TTC28: variants seen among roughly 807,000 people sequenced by gnomAD.
TTC28 encodes the protein tetratricopeptide repeat protein 28.
TTC28 carries 61 observed loss-of-function variants against 198.0 expected under a neutral mutation model. That is an observed-to-expected ratio of 0.31 (90% confidence interval 0.25 to 0.38). The LOEUF is 0.38. Ranked by LOEUF, TTC28 falls within the 10% of genes least tolerant of loss-of-function variation. The probability of loss-of-function intolerance (pLI) is 1.00; values close to 1 mark genes in which losing one functional copy is unlikely to be tolerated. For missense variants in TTC28, 2,678 were observed against 3,164.0 expected (o/e 0.85, Z 3.69); for synonymous variants, 1,171 against 1,297.8 (o/e 0.90, Z 2.10).
intron 5 of TTC28, among the ~76,000 whole-genome samples, chr22:28,236,962 T>C (rs1929292153): frequency 6.6e-6 from 1 of 152,326 alleles, no homozygotes; most frequent in East Asian, 1.9e-4. Flanking sequence ...GAACCTATAA[T>C]GGCCTCTCCC....
chr22:28,411,114 T>C (rs1258143348), intron 2 of TTC28, among the ~76,000 whole-genome samples: 1 of 152,202 alleles, frequency 6.6e-6, no homozygotes, highest in South Asian at 2.1e-4. Flanking sequence ...AGTTTTTATA[T>C]TCTAATGAAC....
rs77343891 is a variant in TTC28, at chr22:28,188,851, C to T, written c.934-25252G>A. Among the ~76,000 whole-genome samples, 343 of 152,296 alleles carry T rather than the reference C, an allele frequency of 2.3e-3. 3 individuals are homozygous for T. The highest frequency in any genetic ancestry group is 7.7e-3 in the African/African-American group (321 of 41,558). ...AAAAGCTCACCATCGTTTCAACCTG[C>T]ATTGAAACCATCTGTGAACAAGAGC... On this transcript the variant is annotated intron_variant, in intron 5 of 22. Coordinates refer to ENST00000397906, the MANE Select transcript of TTC28 (RefSeq NM_001145418.2).
At chr22:28,304,971 A>ATTATTTATTTATTTATTTAT (rs112686882) in intron 3 of TTC28, among the ~76,000 whole-genome samples, 8 of 147,980 alleles carry the variant, frequency 5.4e-5, no homozygotes, top group South Asian at 2.1e-4. Flanking sequence ...TTGTTTATTT[A>ATTATTTATTTATTTATTTAT]TTATTTATTT....
In TTC28 at chr22:28,502,525, G is replaced by A. The variant is rs1601477996; in HGVS notation, c.381+127027C>T. ...TAGCCAGGCATGGTGGCGGGCGTCT[G>A]TAGTCCCAGCTACTCGGGAGGCTGA... On this transcript the variant is annotated intron_variant, in intron 2 of 22. Transcript: ENST00000397906. Among the ~76,000 whole-genome samples the A allele has an allele frequency of 2.0e-5, 3 of 151,974 alleles. No individual in the cohort carries two copies. In the East Asian group the frequency reaches 5.8e-4, roughly 29 times the overall value.
At chr22:28,119,717 C>G (rs772051683) in intron 6 of TTC28, among the ~76,000 whole-genome samples, 1 of 152,184 alleles carries the variant, frequency 6.6e-6, no homozygotes, top group Non-Finnish European at 1.5e-5. Flanking sequence ...ACACCCAAAA[C>G]GACAATAGCA....
At chr22:28,148,605 T>A (rs1394309851) in intron 6 of TTC28, among the ~76,000 whole-genome samples, 1 of 145,960 alleles carries the variant, frequency 6.9e-6, no homozygotes, top group Non-Finnish European at 1.5e-5. Context: ...AGAATGAGAC[T>A]CTGTCTCAAA....
chr22:28,145,018 G>C (rs569886343), intron 6 of TTC28, among the ~76,000 whole-genome samples: 1 of 152,316 alleles, frequency 6.6e-6, no homozygotes, highest in Non-Finnish European at 1.5e-5. Flanking sequence ...TTGAGCCCAA[G>C]GTCACCTCAC....
chr22:28,229,198 A>T lies in TTC28; in HGVS notation c.934-65599T>A, dbSNP rs1928609690. Reference sequence around the variant, plus strand: ...AAAAACTACACCCTCTCCAATAGGAAAATAAAGTCAATTTCAAGGGAAAAA... The same window carrying T: ...AAAAACTACACCCTCTCCAATAGGATAATAAAGTCAATTTCAAGGGAAAAA... On this transcript the variant is annotated intron_variant, in intron 5 of 22. Coordinates refer to ENST00000397906, the MANE Select transcript of TTC28 (RefSeq NM_001145418.2). Among the ~76,000 whole-genome samples, 4 of 152,194 alleles carry T rather than the reference A, an allele frequency of 2.6e-5. No homozygotes were observed. In the South Asian group the frequency reaches 8.3e-4, roughly 32 times the overall value.
chr22:28,417,543 T>C (rs896715800), intron 2 of TTC28, among the ~76,000 whole-genome samples: 8 of 152,144 alleles, frequency 5.3e-5, no homozygotes, highest in Admixed American at 3.9e-4. Context: ...TCTAAAAAGA[T>C]AGACGACATA....
At chr22:28,593,745 A>T (rs2050483758) in intron 2 of TTC28, among the ~76,000 whole-genome samples, 1 of 152,178 alleles carries the variant, frequency 6.6e-6, no homozygotes, top group Non-Finnish European at 1.5e-5. Context: ...TTCAAAAAGG[A>T]AGTAATTATT....
intron 2 of TTC28, among the ~76,000 whole-genome samples, chr22:28,557,250 T>C (rs985516381): frequency 1.3e-5 from 2 of 152,204 alleles, no homozygotes; most frequent in Non-Finnish European, 2.9e-5. Context: ...TCTTCCAATA[T>C]TGTCTCTCCT....
Position 28,372,362 on chromosome 22 carries a change from G to A in TTC28, c.382-65719C>T, listed in dbSNP as rs567689155. ...CAGGATATTTTTATTAAACAGCCAC[G>A]CACATAATTACAGAACTTTCAGTGT... On this transcript the variant is annotated intron_variant, in intron 2 of 22. Transcript: ENST00000397906. Among the ~76,000 whole-genome samples, 17 of 152,086 alleles carry A rather than the reference G, an allele frequency of 1.1e-4. No homozygotes were observed. In the South Asian group the frequency reaches 1.7e-3, roughly 15 times the overall value.
Position 27,979,644 on chromosome 22 carries a change from G to A in TTC28, c.*2577C>T, listed in dbSNP as rs1453114896. 7.9e-6 allele frequency: 1 copy of A among 127,262 alleles called. No homozygotes were observed. The highest frequency in any genetic ancestry group is 1.7e-5 in the Non-Finnish European group (1 of 57,308). The allele number at this position is 127,262 out of a possible 1,614,324, so 7.9% of individuals were successfully genotyped here. ...CAGTCTTAGCCTGTGGGTCATAGTT[G>A]CCAACCCCTGATCTACACAAAGAAA... On this transcript the variant is annotated 3_prime_UTR_variant, in exon 23 of 23. Coordinates refer to ENST00000397906, the MANE Select transcript of TTC28 (RefSeq NM_001145418.2).
intron 1 of TTC28, among the ~76,000 whole-genome samples, chr22:28,646,965 T>C (rs1477836247): frequency 4.6e-5 from 7 of 152,280 alleles, no homozygotes; most frequent in Admixed American, 2.0e-4. Context: ...AGGCATTACA[T>C]TGTTGGACTT....
chr22:28,440,928 T>A (rs1601401752), intron 2 of TTC28, among the ~76,000 whole-genome samples: 1 of 152,228 alleles, frequency 6.6e-6, no homozygotes, highest in African/African-American at 2.4e-5. Flanking sequence ...AATAAGCATA[T>A]GGTATTTGAT....
At chr22:28,143,203 G>A (rs1943382855) in intron 6 of TTC28, among the ~76,000 whole-genome samples, 1 of 152,100 alleles carries the variant, frequency 6.6e-6, no homozygotes, top group South Asian at 2.1e-4. Context: ...AGCATGGTAG[G>A]GGCTCAAAAA....
At chr22:28,106,038 G>A (rs1569141822) in intron 7 of TTC28, among the ~76,000 whole-genome samples, 2 of 152,158 alleles carry the variant, frequency 1.3e-5, no homozygotes, top group Non-Finnish European at 2.9e-5. Flanking sequence ...GAGATTCAAT[G>A]GGATATACAC....
chr22:28,344,143 T>C (rs1418714974), intron 2 of TTC28, among the ~76,000 whole-genome samples: 1 of 151,084 alleles, frequency 6.6e-6, no homozygotes, highest in Non-Finnish European at 1.5e-5. Flanking sequence ...AGCAATCTAG[T>C]ATGGTGTCTA....
chr22:28,122,175 T>C (rs572825535), intron 6 of TTC28, among the ~76,000 whole-genome samples: 1 of 152,300 alleles, frequency 6.6e-6, no homozygotes, highest in East Asian at 1.9e-4. Flanking sequence ...GCCTGCTTTT[T>C]TGATAAAGGG....
Sources: gnomAD v4.1 joint callset for allele counts (sites outside exome capture counted in the v4.1 genomes callset) on GRCh38, gnomAD v4.1.1 for gene constraint, MANE v1.5 for transcripts, NCBI Gene and HGNC (gene_info 2026-07-23, HGNC 2026-07-21) for gene names.